Variants in PPP6R3 observed in about 807,000 individuals in gnomAD.
PPP6R3 encodes the protein serine/threonine-protein phosphatase 6 regulatory subunit 3.
PPP6R3 carries 38 observed loss-of-function variants against 110.7 expected under a neutral mutation model. The ratio of observed to expected loss-of-function variants is 0.34; its 90% CI spans 0.26 to 0.45. The LOEUF is 0.45. PPP6R3 is among the 20% of genes least tolerant of loss of function. PPP6R3 has a pLI of 1.00. For missense variants in PPP6R3, 870 were observed against 1,062.4 expected, an observed-to-expected ratio of 0.82 and a Z score of 2.52; for synonymous variants, 369 against 373.5, an observed-to-expected ratio of 0.99 and a Z score of 0.14.
At chr11:68,473,282 C>T (rs2098805423) in intron 1 of PPP6R3, among the ~76,000 whole-genome samples, 1 of 152,124 alleles carries the variant, frequency 6.6e-6, no homozygotes, top group South Asian at 2.1e-4. Context: ...ATCAGTTGTG[C>T]CCAAGTAATG....
rs1723718745 is a variant in PPP6R3, at chr11:68,569,926, C to T, written c.1278+29C>T. Reference sequence around the variant, plus strand: ...AGCTTATTTGGTCTCGTTTTTCTCCCACTCTCTCCTGGTTATAGCAGTTTT... The same window carrying T: ...AGCTTATTTGGTCTCGTTTTTCTCCTACTCTCTCCTGGTTATAGCAGTTTT... On this transcript the variant is annotated intron_variant, in intron 11 of 23. Coordinates refer to ENST00000393800, the MANE Select transcript of PPP6R3 (RefSeq NM_001164161.2). 16 of 1,584,542 alleles carry T rather than the reference C, an allele frequency of 1.0e-5. No homozygotes were observed. In the East Asian group the frequency reaches 2.9e-4, roughly 29 times the overall value.
intron 7 of PPP6R3, among the ~76,000 whole-genome samples, chr11:68,557,642 C>G (rs139153860): frequency 0.014 from 2,076 of 152,290 alleles, 57 homozygotes; most frequent in African/African-American, 0.047. Context: ...CCTCAGCCTT[C>G]TGATTAGCTG....
chr11:68,520,932 C>A (rs955965454), intron 2 of PPP6R3, among the ~76,000 whole-genome samples: 1 of 152,076 alleles, frequency 6.6e-6, no homozygotes, highest in Non-Finnish European at 1.5e-5. Flanking sequence ...CCACCACGCC[C>A]GGCTAATTTT....
intron 14 of PPP6R3, among the ~76,000 whole-genome samples, chr11:68,580,522 A>C (rs559494899): frequency 1.3e-5 from 2 of 151,732 alleles, no homozygotes; most frequent in African/African-American, 4.8e-5. Context: ...CTGGAGAGGG[A>C]TTTTGGCTCC....
chr11:68,580,961 C>T (rs1312329273), intron 14 of PPP6R3, among the ~76,000 whole-genome samples: 2 of 151,712 alleles, frequency 1.3e-5, no homozygotes, highest in Admixed American at 6.6e-5. Flanking sequence ...TTAGTAGAGA[C>T]GGGGTTTCAC....
chr11:68,479,913 A>AT (rs1399432567), intron 1 of PPP6R3, among the ~76,000 whole-genome samples: 1 of 151,480 alleles, frequency 6.6e-6, no homozygotes, highest in African/African-American at 2.4e-5. Flanking sequence ...TAATTTTTGT[A>AT]TTTTTTTATG....
intron 4 of PPP6R3, among the ~76,000 whole-genome samples, chr11:68,546,344 A>G (rs917632834): frequency 1.3e-5 from 2 of 152,156 alleles, no homozygotes; most frequent in Non-Finnish European, 2.9e-5. Context: ...TCCAGACATT[A>G]TGCTTCATTG....
chr11:68,485,254 T>G (rs2098939112), intron 1 of PPP6R3, among the ~76,000 whole-genome samples: 4 of 151,164 alleles, frequency 2.6e-5, no homozygotes, highest in Admixed American at 2.6e-4. Context: ...CTTGGTATAA[T>G]GGCTTATAAG....
chr11:68,568,772 ATT>A (rs879311640), intron 10 of PPP6R3, among the ~76,000 whole-genome samples: 7 of 143,940 alleles, frequency 4.9e-5, no homozygotes, highest in Non-Finnish European at 6.1e-5. Context: ...AATTCTTACA[ATT>A]TTTTTTTTTT....
intron 10 of PPP6R3, among the ~76,000 whole-genome samples, chr11:68,569,185 T>C (rs1481671620): frequency 6.6e-6 from 1 of 152,184 alleles, no homozygotes; most frequent in Admixed American, 6.5e-5. Context: ...GTATGTTTGT[T>C]GTTGGTTTTT....
intron 15 of PPP6R3, among the ~76,000 whole-genome samples, chr11:68,583,806 T>G (rs1321992615): frequency 6.6e-6 from 1 of 152,244 alleles, no homozygotes; most frequent in African/African-American, 2.4e-5. Flanking sequence ...GCTTTTCATA[T>G]GGAGAAGTTG....
In PPP6R3 at chr11:68,583,070, A is replaced by G; in HGVS notation, c.1573A>G (p.Ser525Gly). 2 of 1,543,776 alleles carry G rather than the reference A, an allele frequency of 1.3e-6. No homozygotes were observed. The highest frequency in any genetic ancestry group is 1.2e-5 in the South Asian group (1 of 83,050). Reference protein sequence around the residue: ...LVTTCHIHSSSDDEIDFKETG... With the variant: ...LVTTCHIHSSGDDEIDFKETG... ...TACAACCTGCCATATTCATTCATCC[A>G]GTGATGATGAAATTGACTTTAAAGA... The change falls in exon 15 of 24, where the codon AGT becomes GGT. Residue 525 changes from serine (S) to glycine (G), a missense_variant. Ser to Gly is a moderately conservative substitution (Grantham distance 56). Coordinates refer to ENST00000393800, the MANE Select transcript of PPP6R3 (RefSeq NM_001164161.2).
At chr11:68,498,227 G>A (rs1239090475) in intron 1 of PPP6R3, among the ~76,000 whole-genome samples, 1 of 152,074 alleles carries the variant, frequency 6.6e-6, no homozygotes, top group Non-Finnish European at 1.5e-5. Context: ...TCAGTTTTAT[G>A]TTAATACATT....
intron 1 of PPP6R3, among the ~76,000 whole-genome samples, chr11:68,500,014 C>CT (rs1373199159): frequency 6.6e-6 from 1 of 152,040 alleles, no homozygotes; most frequent in Non-Finnish European, 1.5e-5. Context: ...TCTATTAAAT[C>CT]TTTTTTTCTT....
chr11:68,596,231 A>G lies in PPP6R3; in HGVS notation c.2038+13A>G, dbSNP rs1399387956. 6.2e-7 allele frequency: 1 copy of G among 1,614,186 alleles called. No individual in the cohort carries two copies. Among genetic ancestry groups the G allele is most frequent in the South Asian group, 1.1e-5 (1 of 91,090 alleles). On this transcript the variant is annotated intron_variant, in intron 19 of 23. Transcript: ENST00000393800. ...GACCTGAGTGAACGTAAGTGGATTCATTCTTCAGATCAGCTGCCCTGTGTT... is the reference window on the plus strand; with the variant it reads ...GACCTGAGTGAACGTAAGTGGATTCGTTCTTCAGATCAGCTGCCCTGTGTT...
intron 11 of PPP6R3, among the ~76,000 whole-genome samples, chr11:68,570,619 G>A (rs1422201387): frequency 6.6e-6 from 1 of 152,230 alleles, no homozygotes; most frequent in Non-Finnish European, 1.5e-5. Flanking sequence ...AGTTCATCTG[G>A]AAGTAAGACG....
intron 4 of PPP6R3, 145 bp downstream of exon 4, chr11:68,545,169 G>A: frequency 2.0e-6 from 1 of 512,660 alleles, no homozygotes; most frequent in Non-Finnish European, 3.3e-6. Flanking sequence ...AACATTCTAA[G>A]CACTCACATA....
chr11:68,534,646 A>G (rs138196088), intron 2 of PPP6R3, among the ~76,000 whole-genome samples: 1,555 of 152,318 alleles, frequency 0.01, 10 homozygotes, highest in African/African-American at 0.012. Flanking sequence ...TACCCTGTTT[A>G]TTATTAGCTA....
At chr11:68,548,932 C>G (rs2099359907) in intron 5 of PPP6R3, among the ~76,000 whole-genome samples, 1 of 152,140 alleles carries the variant, frequency 6.6e-6, no homozygotes, top group African/African-American at 2.4e-5. Context: ...ACTCTGTCGC[C>G]CAGGCTGGAG....
Sources: allele counts gnomAD v4.1 joint callset (sites outside exome capture counted in the v4.1 genomes callset), GRCh38; gene constraint gnomAD v4.1.1; transcripts MANE v1.5; gene names NCBI Gene and HGNC (gene_info 2026-07-23, HGNC 2026-07-21).